The following DMD variants were observed in gnomAD, a reference collection of about 807,000 sequenced individuals.
DMD encodes mutant dystrophin.
A neutral mutation model predicts 330.1 loss-of-function variants in DMD; 63 were observed. The observed-to-expected ratio is 0.19, with a 90% CI of 0.16 to 0.24. The LOEUF (loss-of-function observed/expected upper bound fraction) is 0.24, where lower values mean the gene tolerates loss of function less well. DMD is among the 10% of genes least tolerant of loss of function. The pLI is 1.00. For missense variants in DMD, 3,344 were observed against 2,684.1 expected, an observed-to-expected ratio of 1.25 and a Z score of -5.43; for synonymous variants, 1,223 against 959.8, an observed-to-expected ratio of 1.27 and a Z score of -5.07.
In DMD at chrX:32,484,984, G is replaced by T. The variant is rs2042269346; in HGVS notation, c.2738C>A (p.Ala913Asp). The T allele has an allele frequency of 4.1e-6, 5 of 1,211,369 alleles. No homozygotes were observed. The highest frequency in any genetic ancestry group is 1.8e-5 in the South Asian group (1 of 56,987). Residue 913 changes from alanine to aspartate, a missense_variant, in exon 21 of 79, where the codon GCC becomes GAC. By Grantham distance (126) the Ala-to-Asp change is moderately radical (BLOSUM62 -2). Coordinates refer to ENST00000357033, the MANE Select transcript of DMD (RefSeq NM_004006.3). The part of the protein sequence containing the change: ...GPMFLDADFV[A>D]FTNHFKQVFS... ...GACTTGCTTAAAATGATTTGTAAAGGCCACAAAGTCTGCATCCAGGAACAT... is the reference window on the plus strand; with the variant it reads ...GACTTGCTTAAAATGATTTGTAAAGTCCACAAAGTCTGCATCCAGGAACAT...
rs1049056353 is a variant in DMD at position 31,327,739 on chromosome X, T to G, written c.9164-4081A>C. ...GTTGAACAAAAGGCATTAGGGAGGA[T>G]CTACTAGACTTGTTTTGTCTTTTCC... On this transcript the variant is annotated intron_variant, in intron 61 of 78. Transcript: ENST00000357033. Among the ~76,000 whole-genome samples, 5 of 112,028 alleles carry G rather than the reference T, an allele frequency of 4.5e-5. No homozygotes were observed. The East Asian group carries it at 1.1e-3, about 25-fold the overall frequency.
chrX:32,535,514 T>A (rs916821468), intron 17 of DMD, among the ~76,000 whole-genome samples: 1 of 111,637 alleles, frequency 9.0e-6, no homozygotes, highest in Admixed American at 9.5e-5. Flanking sequence ...AACAATCCAA[T>A]TTTCTGCCTG....
At chrX:32,084,859 T>C (rs6631486) in intron 44 of DMD, among the ~76,000 whole-genome samples, 19,210 of 110,297 alleles carry the variant, frequency 0.17, 1,336 homozygotes, top group East Asian at 0.28. Context: ...CCTTTGAGTA[T>C]GGCCTCACAA....
At chrX:31,635,351 T>G (rs1184570000) in intron 54 of DMD, among the ~76,000 whole-genome samples, 1 of 112,116 alleles carries the variant, frequency 8.9e-6, no homozygotes, top group African/African-American at 3.2e-5. Flanking sequence ...AGGATTTGTT[T>G]AAAATAGTAT....
chrX:32,920,965 A>G (rs1442215523), intron 2 of DMD, among the ~76,000 whole-genome samples: 1 of 112,054 alleles, frequency 8.9e-6, no homozygotes, highest in Admixed American at 9.5e-5. Flanking sequence ...AAGGATGAAA[A>G]TTATTCCATC....
chrX:32,840,128 GGCCA>G (rs1157300143), intron 4 of DMD, among the ~76,000 whole-genome samples: 5 of 111,977 alleles, frequency 4.5e-5, no homozygotes, highest in Non-Finnish European at 9.4e-5. Context: ...CTAACGCATA[GGCCA>G]GCATCTTATG....
intron 43 of DMD, among the ~76,000 whole-genome samples, chrX:32,285,695 T>TTTTTG (rs1156667623): frequency 2.7e-5 from 3 of 110,895 alleles, no homozygotes; most frequent in East Asian, 2.9e-4. Flanking sequence ...TAAATCTGTT[T>TTTTTG]TTTTGTTTTG....
rs187786674 is a variant in DMD at position 32,018,417 on chromosome X, C to T, written c.6439-49903G>A. 2.2e-3 allele frequency among the ~76,000 whole-genome samples: 239 copies of T among 111,024 alleles called. 1 individual carries two copies. Among genetic ancestry groups the T allele is most frequent in the Non-Finnish European group, 3.8e-3 (201 of 52,981 alleles). On this transcript the variant is annotated intron_variant, in intron 44 of 78. Transcript: ENST00000357033. ...CTCAATATACCACCCGTGTTCTTTG[C>T]GGGGGAGCTCAAGTCATTTGTTTTT...
intron 1 of DMD, among the ~76,000 whole-genome samples, chrX:33,173,360 T>G (rs1452503888): frequency 8.9e-6 from 1 of 112,013 alleles, no homozygotes; most frequent in Non-Finnish European, 1.9e-5. Flanking sequence ...ATGGCTATGA[T>G]GTTTATGTAT....
chrX:32,110,738 T>C (rs934836942), intron 44 of DMD, among the ~76,000 whole-genome samples: 2 of 112,207 alleles, frequency 1.8e-5, no homozygotes, highest in Non-Finnish European at 3.8e-5. Context: ...AAGGACATTC[T>C]ATTTCCTTTT....
chrX:32,456,338 T>C (rs2098358065), intron 25 of DMD, among the ~76,000 whole-genome samples: 1 of 111,130 alleles, frequency 9.0e-6, no homozygotes, highest in African/African-American at 3.3e-5. Context: ...TGTCTTGCAA[T>C]TGTACTAGAA....
chrX:31,154,261 C>A (rs934643261), intron 74 of DMD, among the ~76,000 whole-genome samples: 3 of 110,540 alleles, frequency 2.7e-5, no homozygotes, highest in African/African-American at 9.9e-5. Context: ...AGTTACTGTT[C>A]CAAGGTAAGT....
intron 63 of DMD, among the ~76,000 whole-genome samples, chrX:31,236,245 T>G (rs1480047299): frequency 2.7e-5 from 3 of 112,460 alleles, no homozygotes; most frequent in Non-Finnish European, 5.6e-5. Flanking sequence ...AGCTCTCAAC[T>G]ACCTGCCTCC....
chrX:32,712,816 G>A (rs1036714278), intron 7 of DMD, among the ~76,000 whole-genome samples: 33 of 110,837 alleles, frequency 3.0e-4, no homozygotes, highest in Admixed American at 2.2e-3. Context: ...TAAATTTGTC[G>A]GTATTTTACA....
intron 59 of DMD, among the ~76,000 whole-genome samples, chrX:31,459,798 C>T (rs2149159989): frequency 8.9e-6 from 1 of 111,770 alleles, no homozygotes; most frequent in South Asian, 3.8e-4. Context: ...AAACAAAAAG[C>T]ATAACAATGA....
At chrX:32,802,493 C>G (rs1440324202) in intron 7 of DMD, among the ~76,000 whole-genome samples, 2 of 111,447 alleles carry the variant, frequency 1.8e-5, no homozygotes, top group East Asian at 5.7e-4. Context: ...ATTGTGCTGG[C>G]CAGAACTTCC....
At chrX:33,139,699 C>T (rs73190219) in intron 1 of DMD, among the ~76,000 whole-genome samples, 1 of 109,008 alleles carries the variant, frequency 9.2e-6, no homozygotes, top group Admixed American at 9.9e-5. Flanking sequence ...TTCATTTCCA[C>T]CATGATTTTG....
chrX:31,860,795 C>T (rs1434376548), intron 48 of DMD, among the ~76,000 whole-genome samples: 1 of 112,217 alleles, frequency 8.9e-6, no homozygotes, highest in African/African-American at 3.2e-5. Flanking sequence ...CAAAGACAAA[C>T]CCTGTTCTAG....
At chrX:32,549,738 C>T (rs900795341) in intron 16 of DMD, among the ~76,000 whole-genome samples, 1 of 111,153 alleles carries the variant, frequency 9.0e-6, no homozygotes, top group Non-Finnish European at 1.9e-5. Flanking sequence ...CCAGGGTGTG[C>T]CTCTTCTTGC....
Sources: gnomAD v4.1 joint callset for allele counts (sites outside exome capture counted in the v4.1 genomes callset) on GRCh38, gnomAD v4.1.1 for gene constraint, MANE v1.5 for transcripts, NCBI Gene and HGNC (gene_info 2026-07-23, HGNC 2026-07-21) for gene names.